The following ZFYVE16 variants were observed in gnomAD, a reference collection of about 807,000 sequenced individuals.
ZFYVE16 encodes zinc finger FYVE domain-containing protein 16.
Under a neutral mutation model 138.1 loss-of-function variants are expected in ZFYVE16, and 89 were observed. The ratio of observed to expected loss-of-function variants is 0.64; its 90% CI spans 0.54 to 0.77. ZFYVE16 has a LOEUF of 0.77. ZFYVE16 is among the 30% of genes least tolerant of loss of function. ZFYVE16 has a pLI of 0.00. For synonymous variants in ZFYVE16, 596 were observed against 618.3 expected (o/e 0.96, Z 0.53); for missense variants, 1,793 against 1,786.7 (o/e 1.00, Z -0.06).
chr5:80,431,772 C>G (rs1163483335), intron 2 of ZFYVE16, among the ~76,000 whole-genome samples: 1 of 152,158 alleles, frequency 6.6e-6, no homozygotes. Flanking sequence ...GCAAAAATCA[C>G]AAGCATTCTT....
chr5:80,472,996 A>ATAT, intron 16 of ZFYVE16, 73 bp downstream of exon 16: 1 of 1,312,000 alleles, frequency 7.6e-7, no homozygotes, highest in Non-Finnish European at 1.0e-6. Context: ...TATTAATAAA[A>ATAT]TTAAATATTT....
chr5:80,467,726 A>C (rs1006615294), intron 15 of ZFYVE16, among the ~76,000 whole-genome samples: 3 of 152,356 alleles, frequency 2.0e-5, no homozygotes, highest in African/African-American at 7.2e-5. Flanking sequence ...ACATGCAAAG[A>C]AACAGGAAAA....
chr5:80,450,867 A>C (rs1751920685), intron 10 of ZFYVE16, among the ~76,000 whole-genome samples: 1 of 134,306 alleles, frequency 7.4e-6, no homozygotes, highest in African/African-American at 2.9e-5. Flanking sequence ...GCTGGAGTGC[A>C]GTGGCACAAT....
chr5:80,450,719 T>G, intron 10 of ZFYVE16, 133 bp downstream of exon 10: 3 of 884,072 alleles, frequency 3.4e-6, no homozygotes, highest in Non-Finnish European at 4.9e-6. Flanking sequence ...GAAAATAGCT[T>G]AATAATTATT....
At chr5:80,440,819 T>C (rs1750629894) in intron 5 of ZFYVE16, 1 of 985,204 alleles carries the variant, frequency 1.0e-6, no homozygotes, top group African/African-American at 1.7e-5. Flanking sequence ...TGACCAGACC[T>C]GTGCACTAGC....
chr5:80,447,402 G>T (rs752337480), intron 7 of ZFYVE16, among the ~76,000 whole-genome samples: 1 of 152,144 alleles, frequency 6.6e-6, no homozygotes, highest in Non-Finnish European at 1.5e-5. Context: ...TAATTACCAT[G>T]GGTATGTTTC....
Position 80,438,194 on chromosome 5 carries a change from T to G in ZFYVE16, c.1509T>G (p.Phe503Leu). ...SDCCEGFINT[F>L]SSNDMDGQDL... ...GTTGTGAAGGTTTTATTAATACTTT[T>G]TCAAGCAATGATATGGATGGGCAAG... is the stretch of plus-strand genomic sequence containing the variant. Residue 503 changes from phenylalanine to leucine, a missense_variant, in exon 4 of 19, where the codon TTT becomes TTG. Physicochemically the swap from Phe to Leu is conservative, Grantham distance 22. Transcript: ENST00000505560. The G allele has an allele frequency of 6.2e-7, 1 of 1,614,012 alleles. No homozygotes were observed. Among genetic ancestry groups the G allele is most frequent in the Non-Finnish European group, 8.5e-7 (1 of 1,179,976 alleles).
intron 15 of ZFYVE16, among the ~76,000 whole-genome samples, chr5:80,466,926 T>G (rs1337394866): frequency 3.3e-5 from 5 of 152,204 alleles, no homozygotes; most frequent in Non-Finnish European, 5.9e-5. Context: ...ACCTATCCTC[T>G]CATCTCCAGC....
At chr5:80,472,633 T>G in intron 15 of ZFYVE16, 128 bp from the exon 16 acceptor site, 1 of 976,992 alleles carries the variant, frequency 1.0e-6, no homozygotes, top group Non-Finnish European at 1.5e-6. Context: ...AAAACAACCA[T>G]TAAGATGATT....
intron 2 of ZFYVE16, among the ~76,000 whole-genome samples, chr5:80,431,339 A>G (rs2112311719): frequency 6.6e-6 from 1 of 152,338 alleles, no homozygotes; most frequent in Non-Finnish European, 1.5e-5. Context: ...GACAAAAACC[A>G]CATGATTATC....
chr5:80,413,618 C>T (rs1580069852), intron 1 of ZFYVE16, among the ~76,000 whole-genome samples: 3 of 152,248 alleles, frequency 2.0e-5, no homozygotes, highest in Admixed American at 6.5e-5. Context: ...ATTTGAGCAA[C>T]TATTTTCTTA....
intron 15 of ZFYVE16, among the ~76,000 whole-genome samples, chr5:80,471,537 C>T (rs894776796): frequency 1.6e-4 from 24 of 152,190 alleles, no homozygotes; most frequent in African/African-American, 5.5e-4. Flanking sequence ...CCTGCCCTCA[C>T]TAAACTTAAT....
At chr5:80,408,686 C>T (rs1052481155) in intron 1 of ZFYVE16, among the ~76,000 whole-genome samples, 1 of 152,236 alleles carries the variant, frequency 6.6e-6, no homozygotes, top group Non-Finnish European at 1.5e-5. Context: ...TTTCCCGCTG[C>T]CTTTCCTTTG....
At chr5:80,425,312 A>G (rs1053203174) in intron 1 of ZFYVE16, among the ~76,000 whole-genome samples, 5 of 152,196 alleles carry the variant, frequency 3.3e-5, no homozygotes, top group Admixed American at 1.3e-4. Context: ...CCTAATTTTC[A>G]AGCCCATTTT....
At chr5:80,440,617 A>G (rs949231092) in intron 5 of ZFYVE16, 1 of 977,344 alleles carries the variant, frequency 1.0e-6, no homozygotes, top group African/African-American at 1.8e-5. Context: ...AATTAGCTAC[A>G]ATTATTAGCA....
At chr5:80,450,663 C>A in intron 10 of ZFYVE16, 77 bp downstream of exon 10, 1 of 1,369,040 alleles carries the variant, frequency 7.3e-7, no homozygotes, top group Admixed American at 2.3e-5. Context: ...TTTGGCTGTG[C>A]TAGCTATACT....
Position 80,449,660 on chromosome 5 carries a change from C to G in ZFYVE16, c.3173C>G (p.Pro1058Arg), listed in dbSNP as rs764400609. 1.9e-6 allele frequency: 3 copies of G among 1,609,512 alleles called. No homozygotes were observed. The highest frequency in any genetic ancestry group is 2.7e-5 in the African/African-American group (2 of 74,820). The change falls in exon 9 of 19, where the codon CCT (proline) becomes CGT (arginine). Residue 1058 changes from proline (P) to arginine (R), a missense_variant. By Grantham distance (103) the Pro-to-Arg change is moderately radical. This residue lies in a region of ZFYVE16 where 498 missense variants were observed against 582.4 expected (regional missense o/e 0.86). Transcript: ENST00000505560. ...CTTCTTGAAGGTGAAAGCTTTCATC[C>G]TGTTACATTTGTCCTAAATGCTAAT... ...ILLLEGESFH[P>R]VTFVLNANLL...
intron 11 of ZFYVE16, chr5:80,451,994 AT>A (rs1161527635): frequency 9.9e-6 from 3 of 304,358 alleles, no homozygotes; most frequent in Non-Finnish European, 1.8e-5. Flanking sequence ...TGAGTATGCC[AT>A]ATCTGAAATG....
In ZFYVE16 at chr5:80,440,005, G is replaced by A. The variant is rs769797533; in HGVS notation, c.2392G>A (p.Val798Ile). Residue 798 changes from valine (V) to isoleucine (I), a missense_variant, in exon 5 of 19, where the codon GTA (valine) becomes ATA (isoleucine). Coordinates refer to ENST00000505560, the MANE Select transcript of ZFYVE16 (RefSeq NM_001284236.3). ...TCTAGAAAAGGAAGCAAGAGTATGT[G>A]TAGTCTGCTATGAAACTATTAGTAA... is the stretch of plus-strand genomic sequence containing the variant. ...QYLEKEARVCVVCYETISKAQ... is the reference protein window; with the variant it reads ...QYLEKEARVCIVCYETISKAQ... 2 of 1,610,840 alleles carry A rather than the reference G, an allele frequency of 1.2e-6. No individual in the cohort carries two copies. The highest frequency in any genetic ancestry group is 1.1e-5 in the South Asian group (1 of 90,616).
Sources: gnomAD v4.1 joint callset for allele counts (sites outside exome capture counted in the v4.1 genomes callset) on GRCh38, gnomAD v4.1.1 for gene constraint, gnomAD v4.1.1 regional missense constraint, MANE v1.5 for transcripts, NCBI Gene and HGNC (gene_info 2026-07-23, HGNC 2026-07-21) for gene names.